The following PDE4D variants were observed in gnomAD, a reference collection of about 807,000 sequenced individuals.
PDE4D encodes the protein 3',5'-cyclic-AMP phosphodiesterase 4D.
In PDE4D, 24 loss-of-function variants were observed where a neutral mutation model predicts 87.4. The ratio of observed to expected loss-of-function variants is 0.27; its 90% CI spans 0.20 to 0.39. The LOEUF (loss-of-function observed/expected upper bound fraction) is 0.39. Among genes scored for constraint, PDE4D ranks in the 10% least tolerant of loss-of-function variants. PDE4D has a pLI of 1.00. For synonymous variants in PDE4D, 384 were observed against 383.2 expected, an observed-to-expected ratio of 1.00 and a Z score of -0.02; for missense variants, 714 against 1,041.0, an observed-to-expected ratio of 0.69 and a Z score of 4.32.
chr5:59,529,023 A>T (rs755787394), intron 1 of PDE4D: 1 of 471,048 alleles, frequency 2.1e-6, no homozygotes, highest in Non-Finnish European at 4.3e-6. Flanking sequence ...ACAACAACCA[A>T]CTCTAACCAC....
chr5:60,049,912 C>T (rs1266382292), intron 2 of PDE4D, among the ~76,000 whole-genome samples: 1 of 152,216 alleles, frequency 6.6e-6, no homozygotes. Context: ...AGCTTCCTGG[C>T]TGCTTTGTTT....
chr5:59,489,914 T>C (rs979732959), intron 1 of PDE4D, among the ~76,000 whole-genome samples: 1 of 152,188 alleles, frequency 6.6e-6, no homozygotes, highest in Non-Finnish European at 1.5e-5. Context: ...GTAATGATAA[T>C]AGTTATCTAA....
intron 1 of PDE4D, among the ~76,000 whole-genome samples, chr5:59,375,580 C>T: frequency 6.6e-6 from 1 of 152,076 alleles, no homozygotes; most frequent in East Asian, 1.9e-4. Context: ...CAGGACCAGA[C>T]TGATTCACAG....
At chr5:59,105,821 C>T (rs1268695599) in intron 5 of PDE4D, among the ~76,000 whole-genome samples, 1 of 151,982 alleles carries the variant, frequency 6.6e-6, no homozygotes, top group Non-Finnish European at 1.5e-5. Context: ...GACTCAGTAG[C>T]GAGTGGGTCA....
intron 1 of PDE4D, among the ~76,000 whole-genome samples, chr5:59,574,137 T>A (rs1462563875): frequency 0.055 from 200 of 3,604 alleles, 3 homozygotes; most frequent in African/African-American, 0.1. Flanking sequence ...TTTATATATA[T>A]ATATATAAAT....
Position 59,430,568 on chromosome 5 carries a change from T to C in PDE4D, c.456-214600A>G, listed in dbSNP as rs1795964403. On this transcript the variant is annotated intron_variant, in intron 1 of 14. Transcript: ENST00000340635. ...TCTTTGCTTCAAAAGTAAACGCGTG[T>C]TTCTCGGAGGCTAAATGTACTACCT... The C allele has an allele frequency of 1.1e-5, 5 of 470,010 alleles. No homozygotes were observed. The East Asian group carries it at 1.8e-4, about 17-fold the overall frequency. 29.1% of individuals were successfully genotyped at this position (470,010 alleles called of 1,614,324 possible).
At chr5:59,163,758 T>C (rs1361694802) in intron 5 of PDE4D, among the ~76,000 whole-genome samples, 4 of 152,232 alleles carry the variant, frequency 2.6e-5, no homozygotes, top group African/African-American at 7.2e-5. Flanking sequence ...TATTTTCCCA[T>C]ATTTTAAATC....
At chr5:58,994,593 G>T (rs1373919652) in intron 6 of PDE4D, among the ~76,000 whole-genome samples, 1 of 152,088 alleles carries the variant, frequency 6.6e-6, no homozygotes, top group Admixed American at 6.6e-5. Flanking sequence ...ATGAAGGTAA[G>T]TGTTGAATGT....
At position 59,579,905 on chromosome 5, in the gene PDE4D, C is replaced by A. The variant is rs1275625721; in HGVS notation, c.455+313263G>T. 2.0e-5 allele frequency among the ~76,000 whole-genome samples: 3 copies of A among 152,236 alleles called. 1 individual carries two copies. The highest frequency in any genetic ancestry group is 4.1e-4 in the South Asian group (2 of 4,830). Reference sequence around the variant, plus strand: ...GTGACCTTGGAAACAGAGTTCACCACAAATTCCTTTTAAATTTCTCATTCT... The same window carrying A: ...GTGACCTTGGAAACAGAGTTCACCAAAAATTCCTTTTAAATTTCTCATTCT... On this transcript the variant is annotated intron_variant, in intron 1 of 14. Coordinates refer to ENST00000340635, the MANE Select transcript of PDE4D (RefSeq NM_001104631.2).
At chr5:59,743,931 GACAAA>G (rs1051156419) in intron 1 of PDE4D, among the ~76,000 whole-genome samples, 35 of 152,100 alleles carry the variant, frequency 2.3e-4, no homozygotes, top group African/African-American at 7.5e-4. Flanking sequence ...CATGGAACCA[GACAAA>G]ACAAAAGATG....
At chr5:59,543,097 CT>C (rs1168578458) in intron 1 of PDE4D, among the ~76,000 whole-genome samples, 1 of 151,670 alleles carries the variant, frequency 6.6e-6, no homozygotes, top group Non-Finnish European at 1.5e-5. Context: ...GGGAAGTTTT[CT>C]TCAATTAATA....
chr5:60,394,470 T>C (rs1319332857), intron 1 of PDE4D, among the ~76,000 whole-genome samples: 7 of 152,238 alleles, frequency 4.6e-5, no homozygotes, highest in African/African-American at 4.8e-5. Flanking sequence ...CGAGGTTTGA[T>C]ATGTTGAAAA....
intron 1 of PDE4D, chr5:60,429,848 G>GTTT: frequency 7.6e-6 from 2 of 262,566 alleles, no homozygotes; most frequent in Non-Finnish European, 1.5e-5. Flanking sequence ...TTTTTTTTTT[G>GTTT]TTTTTTTTTT....
rs77457307 is a variant in PDE4D at position 60,401,557 on chromosome 5, T to A, written c.-90+86385A>T. 6.5e-3 allele frequency among the ~76,000 whole-genome samples: 989 copies of A among 152,322 alleles called. 10 individuals carry two copies. Among genetic ancestry groups the A allele is most frequent in the African/African-American group, 0.022 (933 of 41,570 alleles). ...CACGGGGCAGGGGGAGGCTTTGAAC[T>A]GATAATGATGTACAGGTGAAAGTGA... On this transcript the variant is annotated intron_variant, in intron 1 of 16. Transcript: ENST00000502484.
chr5:59,182,881 A>C lies in PDE4D; in HGVS notation c.759-2237T>G, dbSNP rs560565210. On this transcript the variant is annotated intron_variant, in intron 4 of 14. Coordinates refer to ENST00000340635, the MANE Select transcript of PDE4D (RefSeq NM_001104631.2). The stretch of plus-strand genomic sequence containing the variant: ...AGAAGCAGTAATGTGTTAACAAGTC[A>C]GCAATGTGCATCTGAATACCCACCC... Among the ~76,000 whole-genome samples the C allele has an allele frequency of 2.0e-5, 3 of 152,368 alleles. No homozygotes were observed. The East Asian group carries it at 5.8e-4, about 29-fold the overall frequency.
At chr5:59,172,195 TAATA>T (rs1247785225) in intron 5 of PDE4D, among the ~76,000 whole-genome samples, 7 of 110,812 alleles carry the variant, frequency 6.3e-5, no homozygotes, top group African/African-American at 1.1e-4. Context: ...AATACATATA[TAATA>T]AATATGTATA....
intron 1 of PDE4D, among the ~76,000 whole-genome samples, chr5:59,316,416 T>A (rs1773749113): frequency 6.6e-6 from 1 of 152,196 alleles, no homozygotes; most frequent in South Asian, 2.1e-4. Flanking sequence ...ATAATCATGT[T>A]CTAGAGCAGG....
At chr5:59,558,449 T>A (rs1819360279) in intron 1 of PDE4D, 1 of 152,066 alleles carries the variant, frequency 6.6e-6, no homozygotes, top group South Asian at 2.1e-4. Flanking sequence ...CTTGTTTAGA[T>A]ATAAATGTGC....
intron 1 of PDE4D, among the ~76,000 whole-genome samples, chr5:59,391,245 C>T (rs1788174141): frequency 6.6e-6 from 1 of 152,104 alleles, no homozygotes; most frequent in African/African-American, 2.4e-5. Flanking sequence ...AAGAGGGAGT[C>T]AGAAGAAGAG....
Sources: gnomAD v4.1 joint callset for allele counts (sites outside exome capture counted in the v4.1 genomes callset) on GRCh38, gnomAD v4.1.1 for gene constraint, MANE v1.5 for transcripts, NCBI Gene and HGNC (gene_info 2026-07-23, HGNC 2026-07-21) for gene names.